Variants in CERS6 observed in about 807,000 individuals in gnomAD.
CERS6 encodes the protein LAG1 homolog, ceramide synthase 6.
In CERS6, 26 loss-of-function variants were observed where a neutral mutation model predicts 56.8. The ratio of observed to expected loss-of-function variants is 0.46; its 90% confidence interval spans 0.34 to 0.63. The LOEUF (loss-of-function observed/expected upper bound fraction) is 0.63. Among genes scored for constraint, CERS6 ranks in the 30% least tolerant of loss-of-function variants. The pLI, the probability that CERS6 is intolerant of heterozygous loss-of-function variation, is 0.01. For missense variants in CERS6, 415 were observed against 467.5 expected (o/e 0.89, Z 1.04); for synonymous variants, 164 against 173.3 (o/e 0.95, Z 0.42).
At chr2:168,753,383 G>A (rs924772970) in intron 8 of CERS6, among the ~76,000 whole-genome samples, 16 of 152,220 alleles carry the variant, frequency 1.1e-4, no homozygotes, top group Admixed American at 1.0e-3. Context: ...ATTATTCAGT[G>A]CATATAGTTT....
intron 3 of CERS6, among the ~76,000 whole-genome samples, chr2:168,622,273 C>CA (rs59194302): frequency 0.3 from 45,310 of 151,896 alleles, 7,680 homozygotes; most frequent in African/African-American, 0.46. Context: ...CAAAAAATCA[C>CA]AAAAAAATCT....
intron 3 of CERS6, among the ~76,000 whole-genome samples, chr2:168,571,041 C>G (rs760904303): frequency 3.3e-5 from 5 of 152,190 alleles, no homozygotes; most frequent in Non-Finnish European, 7.3e-5. Flanking sequence ...GGGCCCCTTC[C>G]TTATGGCTCC....
chr2:168,563,986 C>G (rs1248879714), intron 3 of CERS6, among the ~76,000 whole-genome samples: 1 of 152,070 alleles, frequency 6.6e-6, no homozygotes, highest in Non-Finnish European at 1.5e-5. Context: ...TTTTGAAACT[C>G]TCTTCTTCCT....
rs1408068206 is a variant in CERS6, at chr2:168,484,362, G to A, written c.170+27744G>A. ...ATGCCCGGCTAATTTTGTATTTTTA[G>A]TAGAGACGGGGTTTCTCCATGTTGG... On this transcript the variant is annotated intron_variant, in intron 1 of 9. Transcript: ENST00000305747. Among the ~76,000 whole-genome samples the A allele has an allele frequency of 4.0e-5, 6 of 151,492 alleles. No individual in the cohort carries two copies. The East Asian group carries it at 9.7e-4, about 24-fold the overall frequency.
At chr2:168,745,888 C>G (rs967132134) in intron 8 of CERS6, among the ~76,000 whole-genome samples, 7 of 152,206 alleles carry the variant, frequency 4.6e-5, no homozygotes, top group Non-Finnish European at 7.3e-5. Flanking sequence ...CTTATACTCA[C>G]CTGTGGGGAT....
At chr2:168,622,543 A>G (rs1365455472) in intron 3 of CERS6, among the ~76,000 whole-genome samples, 1 of 152,240 alleles carries the variant, frequency 6.6e-6, no homozygotes, top group Non-Finnish European at 1.5e-5. Flanking sequence ...CAGACTTTCC[A>G]TAACTGCCTA....
At chr2:168,594,443 G>A (rs1267623156) in intron 3 of CERS6, among the ~76,000 whole-genome samples, 1 of 152,056 alleles carries the variant, frequency 6.6e-6, no homozygotes, top group East Asian at 1.9e-4. Flanking sequence ...AAATTAGCCG[G>A]GCATGGTGGC....
At chr2:168,545,508 GA>G (rs1455790563) in intron 1 of CERS6, among the ~76,000 whole-genome samples, 5 of 149,922 alleles carry the variant, frequency 3.3e-5, no homozygotes, top group African/African-American at 1.3e-4. Flanking sequence ...AATTTTTTTT[GA>G]TTTTTTTTTT....
chr2:168,483,744 C>T (rs1694218972), intron 1 of CERS6, among the ~76,000 whole-genome samples: 1 of 152,158 alleles, frequency 6.6e-6, no homozygotes, highest in South Asian at 2.1e-4. Flanking sequence ...GAATAGAATG[C>T]ACCTTCTTTG....
At chr2:168,619,628 A>G (rs982096910) in intron 3 of CERS6, among the ~76,000 whole-genome samples, 4 of 152,170 alleles carry the variant, frequency 2.6e-5, no homozygotes, top group African/African-American at 9.7e-5. Flanking sequence ...ACTAATGATC[A>G]GGGAAATGCA....
chr2:168,606,667 G>A (rs1684060769), intron 3 of CERS6, among the ~76,000 whole-genome samples: 1 of 152,170 alleles, frequency 6.6e-6, no homozygotes, highest in Admixed American at 6.5e-5. Flanking sequence ...AGATTTGGAA[G>A]GGGCCAGGGG....
At chr2:168,490,343 C>T (rs1694347771) in intron 1 of CERS6, among the ~76,000 whole-genome samples, 1 of 152,230 alleles carries the variant, frequency 6.6e-6, no homozygotes, top group Middle Eastern at 3.4e-3. Context: ...ACTGGGTTTC[C>T]TGGAGTATGA....
At chr2:168,477,300 C>T (rs76706428) in intron 1 of CERS6, among the ~76,000 whole-genome samples, 8,359 of 152,154 alleles carry the variant, frequency 0.055, 335 homozygotes, top group East Asian at 0.18. Context: ...AGTTCCATCA[C>T]ACTGGGGTTG....
At chr2:168,704,718 T>G (rs1686893586) in intron 6 of CERS6, among the ~76,000 whole-genome samples, 1 of 152,186 alleles carries the variant, frequency 6.6e-6, no homozygotes, top group Non-Finnish European at 1.5e-5. Flanking sequence ...GCGATTCTCC[T>G]GCCTCAGCCT....
intron 4 of CERS6, among the ~76,000 whole-genome samples, chr2:168,672,459 G>C (rs1042416052): frequency 6.6e-6 from 1 of 152,134 alleles, no homozygotes; most frequent in Non-Finnish European, 1.5e-5. Context: ...TTAGGTGTTG[G>C]GGTAAACAAA....
At chr2:168,754,763 CTGTT>C (rs1419704387) in intron 8 of CERS6, among the ~76,000 whole-genome samples, 2 of 152,140 alleles carry the variant, frequency 1.3e-5, no homozygotes, top group Non-Finnish European at 2.9e-5. Flanking sequence ...TATACATTCT[CTGTT>C]TGTTTTTTTG....
chr2:168,707,712 T>C (rs1360754264), intron 6 of CERS6, among the ~76,000 whole-genome samples: 4 of 152,180 alleles, frequency 2.6e-5, no homozygotes. Flanking sequence ...ATGGTTATGA[T>C]TCTCCTCAAA....
chr2:168,638,876 A>T (rs1684923854), intron 4 of CERS6, among the ~76,000 whole-genome samples: 1 of 152,162 alleles, frequency 6.6e-6, no homozygotes, highest in South Asian at 2.1e-4. Context: ...TGGGGAAGAT[A>T]TTGGGGATTC....
At chr2:168,457,571 T>C (rs767455835) in intron 1 of CERS6, among the ~76,000 whole-genome samples, 1 of 152,172 alleles carries the variant, frequency 6.6e-6, no homozygotes, top group Non-Finnish European at 1.5e-5. Flanking sequence ...AATATTATCT[T>C]CCCCTTTCTT....
Sources: allele counts gnomAD v4.1 joint callset (sites outside exome capture counted in the v4.1 genomes callset), GRCh38; gene constraint gnomAD v4.1.1; transcripts MANE v1.5; gene names NCBI Gene and HGNC (gene_info 2026-07-23, HGNC 2026-07-21).